Variants in ZNF133 observed in about 807,000 individuals in gnomAD.
ZNF133 encodes zinc finger protein 133 (clone pHZ-13).
Under a neutral mutation model 54.9 loss-of-function variants are expected in ZNF133, and 26 were observed. The ratio of observed to expected loss-of-function variants is 0.47; its 90% CI spans 0.35 to 0.66. The LOEUF (loss-of-function observed/expected upper bound fraction) is 0.66. Among genes scored for constraint, ZNF133 ranks in the 30% least tolerant of loss-of-function variants. The pLI is 0.01. For synonymous variants in ZNF133, 298 were observed against 320.3 expected, an observed-to-expected ratio of 0.93 and a Z score of 0.74; for missense variants, 653 against 820.8, an observed-to-expected ratio of 0.80 and a Z score of 2.50.
At chr20:18,303,807 A>G (rs1172046121) in intron 3 of ZNF133, among the ~76,000 whole-genome samples, 2 of 152,218 alleles carry the variant, frequency 1.3e-5, no homozygotes, top group Non-Finnish European at 2.9e-5. Context: ...TGGATCGAAG[A>G]CCTAAACATA....
intron 3 of ZNF133, among the ~76,000 whole-genome samples, chr20:18,301,332 A>G (rs1419539400): frequency 1.3e-5 from 2 of 152,176 alleles, no homozygotes; most frequent in Non-Finnish European, 2.9e-5. Flanking sequence ...TCTCCAAGGA[A>G]CAACCTAATT....
rs1422321382 is a variant in ZNF133 at position 18,315,273 on chromosome 20, A to T, written c.422A>T (p.Asp141Val). The stretch of plus-strand genomic sequence containing the variant: ...GCCTCTGAGGGGAGACCCTGGAGTG[A>T]TCAAGCAGAAGGTCCTGAGGGAGAA... ...QQASEGRPWS[D>V]QAEGPEGEGA... is the part of the protein sequence containing the mutation. Residue 141 changes from aspartate to valine, a missense_variant, in exon 7 of 7, where the codon GAT (aspartate) becomes GTT (valine). Physicochemically the swap from Asp to Val is radical, Grantham distance 152 (BLOSUM62 -3). Around this residue, in one of 4 missense-constraint regions of ZNF133, gnomAD observed 227 missense variants for 233.9 expected, o/e 0.97. Coordinates refer to ENST00000425686, the MANE Select transcript of ZNF133 (RefSeq NM_001352452.2). 6.2e-7 allele frequency: 1 copy of T among 1,613,994 alleles called. No homozygotes were observed. Among genetic ancestry groups the T allele is most frequent in the Non-Finnish European group, 8.5e-7 (1 of 1,180,000 alleles).
intron 1 of ZNF133, among the ~76,000 whole-genome samples, chr20:18,297,311 T>C (rs887547159): frequency 6.6e-6 from 1 of 152,158 alleles, no homozygotes; most frequent in Non-Finnish European, 1.5e-5. Flanking sequence ...TTGTCTTCAT[T>C]TATCATATAA....
chr20:18,311,995 G>C (rs531825305), intron 6 of ZNF133, among the ~76,000 whole-genome samples: 3 of 152,168 alleles, frequency 2.0e-5, no homozygotes, highest in Admixed American at 1.3e-4. Flanking sequence ...AAGTGTTTCA[G>C]ATTTTGGGTT....
chr20:18,296,247 C>T (rs1199595631), intron 1 of ZNF133, among the ~76,000 whole-genome samples: 1 of 152,148 alleles, frequency 6.6e-6, no homozygotes, highest in Non-Finnish European at 1.5e-5. Context: ...TTCCCCTATC[C>T]TGTCTTGCTT....
chr20:18,304,322 A>G (rs1600469656), intron 3 of ZNF133, among the ~76,000 whole-genome samples: 1 of 152,244 alleles, frequency 6.6e-6, no homozygotes, highest in East Asian at 1.9e-4. Context: ...GTGGGAATGC[A>G]AAATGGTACA....
At chr20:18,292,818 A>G (rs1216008319) in intron 1 of ZNF133, among the ~76,000 whole-genome samples, 5 of 152,206 alleles carry the variant, frequency 3.3e-5, no homozygotes, top group African/African-American at 1.2e-4. Flanking sequence ...ATACTTGCCA[A>G]ATGAAGGCAT....
At chr20:18,306,696 T>C in intron 6 of ZNF133, 1 of 1,348,186 alleles carries the variant, frequency 7.4e-7, no homozygotes, top group Non-Finnish European at 9.8e-7. Context: ...TGTTACTGTT[T>C]TTTAAAAAGA....
Position 18,305,099 on chromosome 20 carries a change from C to T in ZNF133, c.-86C>T, listed in dbSNP as rs2044298491. Reference sequence around the variant, plus strand: ...TAGGATGCAAAGATGAATTTTTGGACTGAGTGGCCAAGAAGCTCCATGGTG... The same window carrying T: ...TAGGATGCAAAGATGAATTTTTGGATTGAGTGGCCAAGAAGCTCCATGGTG... On this transcript the variant is annotated 5_prime_UTR_variant, in exon 4 of 7. Transcript: ENST00000425686. This position sits in a 1 kb window ranked among gnomAD's most constrained non-coding sequence, Gnocchi z 4.7. The T allele has an allele frequency of 1.0e-6, 1 of 985,538 alleles. No homozygotes were observed. The highest frequency in any genetic ancestry group is 1.1e-4 in the East Asian group (1 of 8,810). 61.0% of individuals were successfully genotyped at this position (985,538 alleles called of 1,614,324 possible).
chr20:18,293,823 T>C (rs1356030892), intron 1 of ZNF133, among the ~76,000 whole-genome samples: 1 of 152,128 alleles, frequency 6.6e-6, no homozygotes, highest in Non-Finnish European at 1.5e-5. Context: ...TAGGATAAGA[T>C]ATAAATCCAT....
chr20:18,315,535 C>T lies in ZNF133; in HGVS notation c.684C>T (p.Asn228=). Residue 228 remains asparagine (N), a synonymous_variant, in exon 7 of 7, where the codon AAC becomes AAT. Transcript: ENST00000425686. The part of the protein sequence containing the change: ...ECGLSFSKMT[N]LLSHQRIHSG... ...GACTGAGCTTCAGCAAGATGACAAACCTGCTCAGTCACCAGCGGATACACT... is the reference window on the plus strand; with the variant it reads ...GACTGAGCTTCAGCAAGATGACAAATCTGCTCAGTCACCAGCGGATACACT... The T allele has an allele frequency of 6.2e-7, 1 of 1,614,184 alleles. No individual in the cohort carries two copies. The highest frequency in any genetic ancestry group is 1.3e-5 in the African/African-American group (1 of 75,042).
At chr20:18,295,797 T>C (rs778970622) in intron 1 of ZNF133, among the ~76,000 whole-genome samples, 4 of 152,256 alleles carry the variant, frequency 2.6e-5, no homozygotes, top group Middle Eastern at 3.4e-3. Flanking sequence ...GCTGGGACCA[T>C]ACGGGTGTGT....
intron 2 of ZNF133, 79 bp from the exon 3 acceptor site, chr20:18,298,210 A>G: frequency 1.3e-6 from 2 of 1,500,148 alleles, no homozygotes; most frequent in Non-Finnish European, 1.8e-6. Context: ...TGCAAAACCC[A>G]TGACACAGTT....
At chr20:18,293,936 C>T (rs2041674953) in intron 1 of ZNF133, among the ~76,000 whole-genome samples, 1 of 152,140 alleles carries the variant, frequency 6.6e-6, no homozygotes, top group African/African-American at 2.4e-5. Context: ...GGAAAAAGAA[C>T]TTTGTCATTT....
At chr20:18,299,538 G>A (rs573868962) in intron 3 of ZNF133, among the ~76,000 whole-genome samples, 6 of 152,288 alleles carry the variant, frequency 3.9e-5, no homozygotes, top group African/African-American at 7.2e-5. Context: ...AATAATGGCT[G>A]ACAACTTCCC....
At chr20:18,296,078 T>C (rs992702386) in intron 1 of ZNF133, among the ~76,000 whole-genome samples, 1 of 152,184 alleles carries the variant, frequency 6.6e-6, no homozygotes, top group Admixed American at 6.5e-5. Flanking sequence ...TCTACTTTCT[T>C]CTTCTCCTGT....
At chr20:18,294,858 T>A (rs1447174166) in intron 1 of ZNF133, among the ~76,000 whole-genome samples, 1 of 152,192 alleles carries the variant, frequency 6.6e-6, no homozygotes, top group Admixed American at 6.5e-5. Flanking sequence ...GATGTTGGAG[T>A]CTTTTTGCTA....
chr20:18,293,830 C>A (rs1053815200), intron 1 of ZNF133, among the ~76,000 whole-genome samples: 1 of 151,016 alleles, frequency 6.6e-6, no homozygotes, highest in Non-Finnish European at 1.5e-5. Flanking sequence ...AGATATAAAT[C>A]CATATTGATA....
chr20:18,291,035 G>A (rs2040856567), intron 1 of ZNF133, among the ~76,000 whole-genome samples: 1 of 152,170 alleles, frequency 6.6e-6, no homozygotes, highest in Non-Finnish European at 1.5e-5. Flanking sequence ...GCTGAGGCAG[G>A]AGAATCTGTC....
Sources: gnomAD v4.1 joint callset for allele counts (sites outside exome capture counted in the v4.1 genomes callset) on GRCh38, gnomAD v4.1.1 for gene constraint, gnomAD v4.1.1 regional missense constraint, Gnocchi (gnomAD v3.1) non-coding constraint, MANE v1.5 for transcripts, NCBI Gene and HGNC (gene_info 2026-07-23, HGNC 2026-07-21) for gene names.